The following HTR3B variants were observed in gnomAD, a reference collection of about 807,000 sequenced individuals.
HTR3B encodes the protein 5-hydroxytryptamine (serotonin) receptor 3B, ionotropic.
In HTR3B, 44 loss-of-function variants were observed where a neutral mutation model predicts 42.8. That is an observed-to-expected ratio of 1.03 (90% confidence interval 0.81 to 1.32). The LOEUF is 1.32. HTR3B is among the 40% of genes most tolerant of loss of function. The pLI is 0.00. For synonymous variants in HTR3B, 203 were observed against 209.0 expected, an observed-to-expected ratio of 0.97 and a Z score of 0.25; for missense variants, 527 against 536.5, an observed-to-expected ratio of 0.98 and a Z score of 0.17.
intron 2 of HTR3B, among the ~76,000 whole-genome samples, chr11:113,930,360 G>A (rs955110050): frequency 6.6e-6 from 1 of 151,632 alleles, no homozygotes; most frequent in African/African-American, 2.4e-5. Flanking sequence ...TTCATTTTGA[G>A]TTAATGTTTA....
intron 1 of HTR3B, among the ~76,000 whole-genome samples, chr11:113,905,613 TC>T (rs1210045271): frequency 2.0e-5 from 3 of 152,186 alleles, no homozygotes; most frequent in Non-Finnish European, 4.4e-5. Flanking sequence ...GAACTATATT[TC>T]CATGGCACCA....
chr11:113,906,737 A>C (rs1298089625), intron 1 of HTR3B, among the ~76,000 whole-genome samples: 1 of 152,126 alleles, frequency 6.6e-6, no homozygotes, highest in Non-Finnish European at 1.5e-5. Flanking sequence ...TGCAAGCTTC[A>C]TGACCTTGGG....
At chr11:113,929,627 C>T (rs1349131444) in intron 2 of HTR3B, among the ~76,000 whole-genome samples, 2 of 152,102 alleles carry the variant, frequency 1.3e-5, no homozygotes, top group Admixed American at 1.3e-4. Context: ...TGGGGGGACA[C>T]CGTTTGGCCC....
At chr11:113,915,429 A>G (rs1438275409) in intron 2 of HTR3B, among the ~76,000 whole-genome samples, 3 of 152,202 alleles carry the variant, frequency 2.0e-5, no homozygotes, top group Non-Finnish European at 4.4e-5. Flanking sequence ...TTTGGCTTAT[A>G]CACAATATTA....
At chr11:113,918,646 G>T (rs1949880530) in intron 2 of HTR3B, among the ~76,000 whole-genome samples, 2 of 137,826 alleles carry the variant, frequency 1.5e-5, no homozygotes, top group Non-Finnish European at 1.6e-5. Flanking sequence ...TTTTAAACCA[G>T]TATGACAATC....
At position 113,945,936 on chromosome 11, in the gene HTR3B, A is replaced by G. The variant is rs1347928855; in HGVS notation, c.1125A>G (p.Pro375=). Residue 375 remains proline, a synonymous_variant, in exon 9 of 9, where the codon CCA becomes CCG. Coordinates refer to ENST00000260191, the MANE Select transcript of HTR3B (RefSeq NM_006028.5). ...SSLYGEHLAQ[P]GTLKEVWSQL... Reference sequence around the variant, plus strand: ...TGTATGGAGAGCACCTGGCCCAGCCAGGAACCCTGAAGGAAGTCTGGTCGC... The same window carrying G: ...TGTATGGAGAGCACCTGGCCCAGCCGGGAACCCTGAAGGAAGTCTGGTCGC... 1 of 1,614,214 alleles carries G rather than the reference A, an allele frequency of 6.2e-7. No individual in the cohort carries two copies. The highest frequency in any genetic ancestry group is 1.7e-5 in the Admixed American group (1 of 60,020).
At chr11:113,922,579 G>A (rs1162390637) in intron 2 of HTR3B, among the ~76,000 whole-genome samples, 3 of 150,916 alleles carry the variant, frequency 2.0e-5, no homozygotes, top group Admixed American at 6.6e-5. Flanking sequence ...TGAGCGAGAC[G>A]CAGTCTCGCT....
chr11:113,941,128 T>A (rs1390309004), intron 6 of HTR3B, among the ~76,000 whole-genome samples: 4 of 152,258 alleles, frequency 2.6e-5, no homozygotes, highest in African/African-American at 9.6e-5. Flanking sequence ...CGGCACACTA[T>A]CTGACACATA....
chr11:113,944,677 C>A lies in HTR3B; in HGVS notation c.1012C>A (p.Pro338Thr). 6.2e-7 allele frequency: 1 copy of A among 1,614,150 alleles called. No homozygotes were observed. The highest frequency in any genetic ancestry group is 1.3e-5 in the African/African-American group (1 of 75,018). The change falls in exon 8 of 9, where the codon CCC (proline) becomes ACC (threonine). Residue 338 changes from proline (P) to threonine (T), a missense_variant. Transcript: ENST00000260191. ...HDEQRGGQEQPFLCLRGDTDA... is the reference protein window; with the variant it reads ...HDEQRGGQEQTFLCLRGDTDA... Reference sequence around the variant, plus strand: ...TGAGCAGCGTGGTGGACAGGAGCAGCCCTTCTTGTGCCTTCGAGGGGACAC... The same window carrying A: ...TGAGCAGCGTGGTGGACAGGAGCAGACCTTCTTGTGCCTTCGAGGGGACAC...
chr11:113,907,249 A>G (rs1410329348), intron 1 of HTR3B, among the ~76,000 whole-genome samples: 1 of 152,192 alleles, frequency 6.6e-6, no homozygotes, highest in Non-Finnish European at 1.5e-5. Context: ...TTGGCGAGGA[A>G]TCTTTTCTGG....
intron 6 of HTR3B, among the ~76,000 whole-genome samples, chr11:113,939,307 G>A (rs1033376560): frequency 1.3e-5 from 2 of 152,178 alleles, no homozygotes; most frequent in Non-Finnish European, 2.9e-5. Flanking sequence ...ATCCAGTGAG[G>A]ACTATCCTTC....
At chr11:113,940,558 T>G (rs929304915) in intron 6 of HTR3B, among the ~76,000 whole-genome samples, 5 of 152,218 alleles carry the variant, frequency 3.3e-5, no homozygotes, top group Admixed American at 2.0e-4. Flanking sequence ...TAGAAATGTG[T>G]TTTAACCAGA....
chr11:113,936,502 AC>A (rs572682435), intron 6 of HTR3B, among the ~76,000 whole-genome samples: 40 of 152,282 alleles, frequency 2.6e-4, no homozygotes, highest in African/African-American at 9.4e-4. Flanking sequence ...CAGCTTATAA[AC>A]TTGATAGAAA....
chr11:113,918,275 G>GTGTGTA (rs1949876680), intron 2 of HTR3B, among the ~76,000 whole-genome samples: 1 of 149,632 alleles, frequency 6.7e-6, no homozygotes, highest in African/African-American at 2.5e-5. Flanking sequence ...ACTCGTGTGT[G>GTGTGTA]TGTGTGTGTG....
chr11:113,930,671 G>A (rs1045543874), intron 2 of HTR3B, among the ~76,000 whole-genome samples: 1 of 151,670 alleles, frequency 6.6e-6, no homozygotes, highest in African/African-American at 2.4e-5. Context: ...TAACTTTTTT[G>A]TAGAGACAGA....
At chr11:113,923,304 G>A (rs753402278) in intron 2 of HTR3B, among the ~76,000 whole-genome samples, 39 of 152,212 alleles carry the variant, frequency 2.6e-4, no homozygotes, top group Non-Finnish European at 4.4e-4. Context: ...CCAGCACCTC[G>A]CCTCCATTAT....
intron 6 of HTR3B, among the ~76,000 whole-genome samples, chr11:113,933,725 G>A (rs1950061899): frequency 6.6e-6 from 1 of 152,168 alleles, no homozygotes; most frequent in African/African-American, 2.4e-5. Flanking sequence ...CTAGGGGATG[G>A]TGGGGTACAG....
At chr11:113,931,166 G>A (rs1019610379) in intron 2 of HTR3B, among the ~76,000 whole-genome samples, 15 of 152,084 alleles carry the variant, frequency 9.9e-5, no homozygotes, top group Admixed American at 7.2e-4. Context: ...GCAAAGTGCC[G>A]TTTTGTCATA....
rs1220538054 is a variant in HTR3B, at chr11:113,933,092, A to G, written c.695A>G (p.Asn232Ser). The G allele has an allele frequency of 8.7e-6, 14 of 1,612,628 alleles. No homozygotes were observed. The highest frequency in any genetic ancestry group is 1.2e-5 in the Non-Finnish European group (14 of 1,179,076). ...GGAGGATTTGCACAGATTCAGTTTA[A>G]TGTAGGTTCTTTACTACCTGTCCCC... ...SAGGFAQIQF[N>S]VVMRRHPLVY... Residue 232 changes from asparagine (N) to serine (S), a missense_variant and splice_region_variant, in exon 6 of 9, where the codon AAT becomes AGT. Physicochemically the swap from Asn to Ser is conservative, Grantham distance 46. Coordinates refer to ENST00000260191, the MANE Select transcript of HTR3B (RefSeq NM_006028.5).
Sources: gnomAD v4.1 joint callset for allele counts (sites outside exome capture counted in the v4.1 genomes callset) on GRCh38, gnomAD v4.1.1 for gene constraint, MANE v1.5 for transcripts, NCBI Gene and HGNC (gene_info 2026-07-23, HGNC 2026-07-21) for gene names.